PDE10A: variants seen among roughly 807,000 people sequenced by gnomAD.
The protein encoded by PDE10A is cAMP and cAMP-inhibited cGMP 3',5'-cyclic phosphodiesterase 10A.
A neutral mutation model predicts 97.7 loss-of-function variants in PDE10A; 39 were observed. That is an observed-to-expected ratio of 0.40 (90% CI 0.31 to 0.52). The LOEUF (loss-of-function observed/expected upper bound fraction) is 0.52. Among genes scored for constraint, PDE10A ranks in the 20% least tolerant of loss-of-function variants. The pLI is 0.56. For missense variants in PDE10A, 731 were observed against 1,047.8 expected (o/e 0.70, Z 4.17); for synonymous variants, 371 against 376.8 (o/e 0.98, Z 0.18).
intron 1 of PDE10A, among the ~76,000 whole-genome samples, chr6:165,907,838 C>G (rs1374326579): frequency 6.6e-6 from 1 of 152,210 alleles, no homozygotes; most frequent in South Asian, 2.1e-4. Flanking sequence ...ACACCTCTAG[C>G]TCTGCAAAAT....
At chr6:165,641,627 TTAGAG>T (rs1457023649) in intron 1 of PDE10A, among the ~76,000 whole-genome samples, 1 of 152,210 alleles carries the variant, frequency 6.6e-6, no homozygotes, top group African/African-American at 2.4e-5. Context: ...CAAATATTAT[TTAGAG>T]TGCCTTGGGG....
chr6:165,900,936 A>C (rs1240929231), intron 1 of PDE10A, among the ~76,000 whole-genome samples: 1 of 152,118 alleles, frequency 6.6e-6, no homozygotes, highest in Non-Finnish European at 1.5e-5. Flanking sequence ...TGTGTTTAAA[A>C]CCAGACCTGG....
At chr6:165,465,167 G>A (rs1250527234) in intron 3 of PDE10A, among the ~76,000 whole-genome samples, 4 of 152,004 alleles carry the variant, frequency 2.6e-5, no homozygotes, top group Non-Finnish European at 1.5e-5. Context: ...TAAAAATAAA[G>A]GTGATCTATA....
intron 5 of PDE10A, among the ~76,000 whole-genome samples, chr6:165,442,177 T>C (rs949599303): frequency 6.6e-6 from 1 of 152,186 alleles, no homozygotes; most frequent in Admixed American, 6.6e-5. Flanking sequence ...AGTTGTAGGG[T>C]ACATGTGCAC....
chr6:165,615,926 G>A (rs564104091), intron 1 of PDE10A, among the ~76,000 whole-genome samples: 35 of 152,104 alleles, frequency 2.3e-4, no homozygotes, highest in African/African-American at 7.7e-4. Context: ...AGGCCAAAAC[G>A]GAGGGAAATA....
chr6:165,813,541 C>T (rs886633749), intron 1 of PDE10A, among the ~76,000 whole-genome samples: 1 of 152,134 alleles, frequency 6.6e-6, no homozygotes, highest in Admixed American at 6.5e-5. Flanking sequence ...GCTGTTCAGC[C>T]CACACTCACA....
At chr6:165,963,869 G>A (rs1211114252) in intron 1 of PDE10A, among the ~76,000 whole-genome samples, 4 of 152,164 alleles carry the variant, frequency 2.6e-5, no homozygotes, top group African/African-American at 4.8e-5. Flanking sequence ...CCAGGCAGCC[G>A]TCTCACCTGC....
At position 165,472,528 on chromosome 6, in the gene PDE10A, T is replaced by C. The variant is rs537016558; in HGVS notation, c.1023+9787A>G. Among the ~76,000 whole-genome samples, 12 of 152,268 alleles carry C rather than the reference T, an allele frequency of 7.9e-5. 1 individual carries two copies. The South Asian group carries it at 2.3e-3, about 29-fold the overall frequency. ...GTGCTTTTTAAATTTGTTTTGGGTT[T>C]TCTAATAAATAATTGTAAGGACATA... On this transcript the variant is annotated intron_variant, in intron 3 of 21. Transcript: ENST00000539869.
chr6:165,837,661 T>TG, intron 1 of PDE10A, among the ~76,000 whole-genome samples: 1 of 23,956 alleles, frequency 4.2e-5, no homozygotes, highest in Non-Finnish European at 9.6e-5. Flanking sequence ...CTCTCCTGGT[T>TG]TTTTTTTTTT....
At chr6:165,346,806 A>C (rs913951738) in intron 18 of PDE10A, among the ~76,000 whole-genome samples, 11 of 152,212 alleles carry the variant, frequency 7.2e-5, no homozygotes, top group Non-Finnish European at 1.5e-4. Flanking sequence ...CTCTAATTTT[A>C]TAATGATTAT....
chr6:165,508,837 G>C (rs531399577), intron 2 of PDE10A, among the ~76,000 whole-genome samples: 6 of 152,086 alleles, frequency 3.9e-5, no homozygotes, highest in Non-Finnish European at 7.4e-5. Context: ...TTCAGTGTTA[G>C]TATGTTTATA....
rs542130930 is a variant in PDE10A at position 165,507,343 on chromosome 6, G to GT, written c.995-25001_995-25000insA. ...CCCAGTACAAGGAGGAAGGGCTTTA[G>GT]AAACCAAAGGACAAACTTGCCTGAC... On this transcript the variant is annotated intron_variant, in intron 2 of 21. Coordinates refer to ENST00000539869, the MANE Select transcript of PDE10A (RefSeq NM_001385079.1). Among the ~76,000 whole-genome samples, 6 of 152,202 alleles carry GT rather than the reference G, an allele frequency of 3.9e-5. No individual in the cohort carries two copies. In the South Asian group the frequency reaches 1.2e-3, roughly 32 times the overall value.
At chr6:165,729,198 T>C (rs1583003522) in intron 1 of PDE10A, among the ~76,000 whole-genome samples, 2 of 132,094 alleles carry the variant, frequency 1.5e-5, no homozygotes, top group East Asian at 3.9e-4. Flanking sequence ...GGAGACTCCA[T>C]CTCAAAAAAA....
chr6:165,656,936 C>T (rs911028), intron 1 of PDE10A, among the ~76,000 whole-genome samples: 106,768 of 152,178 alleles, frequency 0.7, 37,754 homozygotes, highest in Middle Eastern at 0.8. Context: ...CCTGAGTCCA[C>T]AGAACAGAGG....
chr6:165,934,180 A>C (rs1203840358), intron 1 of PDE10A, among the ~76,000 whole-genome samples: 1 of 48,146 alleles, frequency 2.1e-5, no homozygotes, highest in Non-Finnish European at 4.2e-5. Flanking sequence ...TTGTACTTTT[A>C]GTGGAGATGG....
At chr6:165,454,496 T>A (rs530373293) in intron 3 of PDE10A, among the ~76,000 whole-genome samples, 1 of 152,288 alleles carries the variant, frequency 6.6e-6, no homozygotes, top group South Asian at 2.1e-4. Flanking sequence ...CCCGTCTTCA[T>A]AAATAGGTTA....
chr6:165,469,683 G>A (rs912846435), intron 3 of PDE10A, among the ~76,000 whole-genome samples: 2 of 152,054 alleles, frequency 1.3e-5, no homozygotes, highest in African/African-American at 2.4e-5. Flanking sequence ...TTTCCATCTG[G>A]GTGAGAAATT....
chr6:165,556,029 A>T (rs1784234526), intron 1 of PDE10A, among the ~76,000 whole-genome samples: 1 of 152,342 alleles, frequency 6.6e-6, no homozygotes, highest in Middle Eastern at 3.4e-3. Context: ...AATACCGAAA[A>T]TTTTTAAGAA....
At chr6:165,841,692 C>T (rs1000545401) in intron 1 of PDE10A, among the ~76,000 whole-genome samples, 1 of 152,232 alleles carries the variant, frequency 6.6e-6, no homozygotes, top group Admixed American at 6.5e-5. Flanking sequence ...AAAAAGACCC[C>T]ATGGGGGAGA....
Sources: gnomAD v4.1 joint callset for allele counts (sites outside exome capture counted in the v4.1 genomes callset) on GRCh38, gnomAD v4.1.1 for gene constraint, MANE v1.5 for transcripts, NCBI Gene and HGNC (gene_info 2026-07-23, HGNC 2026-07-21) for gene names.